Variants in EYS observed in about 807,000 individuals in gnomAD.
The protein encoded by EYS is EGF-like photoreceptor maintenance factor, also known as protein eyes shut homolog.
Under a neutral mutation model 282.1 loss-of-function variants are expected in EYS, and 250 were observed. The ratio of observed to expected loss-of-function variants is 0.89; its 90% CI spans 0.80 to 0.98. EYS has a LOEUF of 0.98. EYS is among the 50% of genes least tolerant of loss of function. The pLI, the probability that EYS is intolerant of heterozygous loss-of-function variation, is 0.00. For synonymous variants in EYS, 1,355 were observed against 1,282.9 expected, an observed-to-expected ratio of 1.06 and a Z score of -1.20; for missense variants, 4,016 against 3,709.0, an observed-to-expected ratio of 1.08 and a Z score of -2.15.
chr6:65,036,748 A>C (rs1364031963), intron 13 of EYS, among the ~76,000 whole-genome samples: 1 of 151,972 alleles, frequency 6.6e-6, no homozygotes, highest in South Asian at 2.1e-4. Context: ...GCAAATCAAA[A>C]CCACATTGAG....
Position 64,315,439 on chromosome 6 carries a change from C to G in EYS, c.6079-8357G>C, listed in dbSNP as rs140932757. Among the ~76,000 whole-genome samples, 1,360 of 149,630 alleles carry G rather than the reference C, an allele frequency of 9.1e-3. 19 individuals carry two copies. The highest frequency in any genetic ancestry group is 0.031 in the African/African-American group (1,264 of 40,638). On this transcript the variant is annotated intron_variant, in intron 29 of 42. Transcript: ENST00000503581. ...TATGAGGACAGTATCATCCTGATACCAAAACCTGGCAGAGACACATACACA... is the reference window on the plus strand; with the variant it reads ...TATGAGGACAGTATCATCCTGATACGAAAACCTGGCAGAGACACATACACA...
intron 31 of EYS, among the ~76,000 whole-genome samples, chr6:64,138,603 T>C (rs1045575088): frequency 2.0e-5 from 3 of 152,122 alleles, no homozygotes; most frequent in African/African-American, 7.2e-5. Flanking sequence ...GGCAATTAAA[T>C]AGGGCATTTG....
chr6:65,059,123 G>A (rs924047304), intron 12 of EYS, among the ~76,000 whole-genome samples: 1 of 151,936 alleles, frequency 6.6e-6, no homozygotes, highest in African/African-American at 2.4e-5. Flanking sequence ...AGAATTATGT[G>A]AGTGAATGAA....
chr6:64,081,226 A>G (rs1771954829), intron 32 of EYS, among the ~76,000 whole-genome samples: 1 of 152,214 alleles, frequency 6.6e-6, no homozygotes, highest in Non-Finnish European at 1.5e-5. Flanking sequence ...ATTTCAAAAG[A>G]GAAAACAATT....
At chr6:64,859,107 A>C (rs1450914238) in intron 19 of EYS, among the ~76,000 whole-genome samples, 2 of 151,934 alleles carry the variant, frequency 1.3e-5, no homozygotes, top group East Asian at 3.9e-4. Flanking sequence ...AAAAACTATT[A>C]GAACTGATAA....
chr6:63,791,581 A>AT, intron 37 of EYS, among the ~76,000 whole-genome samples: 1 of 150,972 alleles, frequency 6.6e-6, no homozygotes, highest in Admixed American at 6.6e-5. Flanking sequence ...CCCTCTCAAA[A>AT]AAAAAAAAAA....
intron 22 of EYS, among the ~76,000 whole-genome samples, chr6:64,668,847 G>T (rs969705062): frequency 6.6e-6 from 1 of 151,904 alleles, no homozygotes. Context: ...TATTACAGGT[G>T]TGAGCCACCA....
chr6:65,048,470 A>T lies in EYS; in HGVS notation c.2137+9144T>A, dbSNP rs530733323. ...CTTTTGTGTTCATCTTTGGCTTCTC[A>T]TTGTGTGTTCCTTTCCCGATCCAGC... On this transcript the variant is annotated intron_variant, in intron 13 of 42. Transcript: ENST00000503581. Among the ~76,000 whole-genome samples, 76 of 151,846 alleles carry T rather than the reference A, an allele frequency of 5.0e-4. 1 individual carries two copies. Among genetic ancestry groups the T allele is most frequent in the African/African-American group, 1.8e-3 (74 of 41,468 alleles).
In EYS at chr6:65,344,068, T is replaced by C; in HGVS notation, c.1569A>G (p.Ser523=). The C allele has an allele frequency of 6.2e-7, 1 of 1,610,954 alleles. No individual in the cohort carries two copies. Among genetic ancestry groups the C allele is most frequent in the South Asian group, 1.1e-5 (1 of 91,012 alleles). The change falls in exon 10 of 43, where the codon TCA becomes TCG. Residue 523 remains serine, a synonymous_variant. Transcript: ENST00000503581. ...YVNDPEDNNS[S]CWFPHEGTKE... is the part of the protein sequence containing the mutation. Reference sequence around the variant, plus strand: ...TTGTGCCTTCATGTGGGAACCAACATGAAGAATTATTATCTTCAGGATCGT... The same window carrying C: ...TTGTGCCTTCATGTGGGAACCAACACGAAGAATTATTATCTTCAGGATCGT...
At chr6:64,548,330 A>G (rs1178793747) in intron 26 of EYS, among the ~76,000 whole-genome samples, 2 of 152,362 alleles carry the variant, frequency 1.3e-5, no homozygotes, top group Admixed American at 6.5e-5. Flanking sequence ...ATTACTGGGT[A>G]TATACCCAAA....
At chr6:65,558,541 C>A (rs557704848) in intron 2 of EYS, among the ~76,000 whole-genome samples, 2 of 152,312 alleles carry the variant, frequency 1.3e-5, no homozygotes, top group South Asian at 4.1e-4. Flanking sequence ...CACTGGGCAG[C>A]CCCTGCCAGC....
intron 26 of EYS, among the ~76,000 whole-genome samples, chr6:64,498,386 G>T (rs546104312): frequency 7.9e-5 from 12 of 152,048 alleles, no homozygotes; most frequent in Non-Finnish European, 1.6e-4. Context: ...TATGTAGATT[G>T]ATTCCTTCAT....
chr6:64,679,677 T>C (rs1769828603), intron 22 of EYS, among the ~76,000 whole-genome samples: 1 of 152,208 alleles, frequency 6.6e-6, no homozygotes, highest in Non-Finnish European at 1.5e-5. Context: ...TTTACAGCTT[T>C]GACAACTGAG....
intron 12 of EYS, among the ~76,000 whole-genome samples, chr6:65,085,438 A>G (rs1581895435): frequency 6.6e-6 from 1 of 152,170 alleles, no homozygotes; most frequent in African/African-American, 2.4e-5. Flanking sequence ...TCTAATCTGA[A>G]AGGGCTACAG....
chr6:65,030,248 T>C (rs1253281083), intron 13 of EYS, among the ~76,000 whole-genome samples: 1 of 152,126 alleles, frequency 6.6e-6, no homozygotes, highest in Admixed American at 6.5e-5. Flanking sequence ...CCTGCTTGGC[T>C]GATGCTGCTT....
At chr6:63,768,483 C>A (rs1253946829) in intron 40 of EYS, among the ~76,000 whole-genome samples, 1 of 152,056 alleles carries the variant, frequency 6.6e-6, no homozygotes, top group Non-Finnish European at 1.5e-5. Context: ...TAATGCTCAA[C>A]ATCACTAATC....
At position 64,005,776 on chromosome 6, in the gene EYS, T is replaced by G. The variant is rs1257166697; in HGVS notation, c.6726-6593A>C. On this transcript the variant is annotated intron_variant, in intron 33 of 42. Coordinates refer to ENST00000503581, the MANE Select transcript of EYS (RefSeq NM_001142800.2). ...AACTTTATTGAAGATCAGATAGTTGTAGGTGTATGGCATTACTTCTGGGCT... is the reference window on the plus strand; with the variant it reads ...AACTTTATTGAAGATCAGATAGTTGGAGGTGTATGGCATTACTTCTGGGCT... 3.3e-5 allele frequency among the ~76,000 whole-genome samples: 5 copies of G among 152,156 alleles called. No homozygotes were observed. The East Asian group carries it at 9.6e-4, about 29-fold the overall frequency.
In EYS at chr6:63,720,497, ATAG is replaced by A; in HGVS notation, c.*96_*98del. 1.2e-6 allele frequency: 1 copy of A among 828,650 alleles called. No homozygotes were observed. Among genetic ancestry groups the A allele is most frequent in the South Asian group, 2.1e-5 (1 of 46,624 alleles). 51.3% of individuals were successfully genotyped at this position (828,650 alleles called of 1,614,324 possible). A position where few individuals can be genotyped will look rare whatever the true frequency, so the allele number is the denominator to read the frequency against. On this transcript the variant is annotated 3_prime_UTR_variant, in exon 43 of 43. Transcript: ENST00000503581. Reference sequence around the variant, plus strand: ...TAGCATTTAGACTATTTCAGGTAATATAGTAAACAGTTGATTCCCCGTAAGCAA... The same window carrying A: ...TAGCATTTAGACTATTTCAGGTAATATAAACAGTTGATTCCCCGTAAGCAA...
At chr6:65,514,295 C>A (rs1003113864) in intron 2 of EYS, among the ~76,000 whole-genome samples, 10 of 152,074 alleles carry the variant, frequency 6.6e-5, no homozygotes, top group African/African-American at 2.2e-4. Context: ...AAAGAGGATA[C>A]AAACAAATGG....
Sources: allele counts gnomAD v4.1 joint callset (sites outside exome capture counted in the v4.1 genomes callset), GRCh38; gene constraint gnomAD v4.1.1; transcripts MANE v1.5; gene names NCBI Gene and HGNC (gene_info 2026-07-23, HGNC 2026-07-21).